The following HPCAL1 variants were observed in gnomAD, a reference collection of about 807,000 sequenced individuals.
HPCAL1 encodes hippocalcin like 1.
A neutral mutation model predicts 17.1 loss-of-function variants in HPCAL1; 8 were observed. The observed-to-expected ratio is 0.47, with a 90% CI of 0.27 to 0.84. HPCAL1 has a LOEUF of 0.84. Among genes scored for constraint, HPCAL1 ranks in the 40% least tolerant of loss-of-function variants. The pLI is 0.13. For synonymous variants in HPCAL1, 112 were observed against 111.4 expected (o/e 1.01, Z -0.03); for missense variants, 165 against 271.1 (o/e 0.61, Z 2.75).
chr2:10,348,443 C>T (rs1205526218), intron 1 of HPCAL1, among the ~76,000 whole-genome samples: 2 of 148,760 alleles, frequency 1.3e-5, no homozygotes, highest in African/African-American at 5.0e-5. Context: ...AGCAAGACTC[C>T]ATCTCAAAAA....
At chr2:10,423,584 GGA>G (rs1021630948) in intron 4 of HPCAL1, 3 of 160,650 alleles carry the variant, frequency 1.9e-5, no homozygotes, top group Non-Finnish European at 4.1e-5. Flanking sequence ...GCAGCTCTGT[GGA>G]GACTCAGCCC....
rs1668897996 is a variant in HPCAL1, at chr2:10,394,633, C to T, written c.-110-2202C>T. The stretch of plus-strand genomic sequence containing the variant: ...AGGGAACCCTAACGTGAGCTGCGGA[C>T]CTGGGGGGTGATGATGGTCAGTGCA... On this transcript the variant is annotated intron_variant, in intron 1 of 4. Transcript: ENST00000307845. The surrounding 1 kb of genome is among the most constrained non-coding windows in gnomAD (Gnocchi z 5.0). 6.6e-6 allele frequency among the ~76,000 whole-genome samples: 1 copy of T among 152,060 alleles called. No homozygotes were observed. Among genetic ancestry groups the T allele is most frequent in the African/African-American group, 2.4e-5 (1 of 41,418 alleles).
chr2:10,345,094 CCTCT>C (rs1039300078), intron 1 of HPCAL1, among the ~76,000 whole-genome samples: 1 of 151,254 alleles, frequency 6.6e-6, no homozygotes, highest in African/African-American at 2.4e-5. Context: ...TCTCTTTCTG[CCTCT>C]CTCTGTGTGT....
chr2:10,363,824 C>A lies in HPCAL1; in HGVS notation c.-110-33011C>A, dbSNP rs1666671257. ...GGATGAGTTATTTCCCATCTCTGAG[C>A]CTTGGTTCTCTGGTCTGTTAAGTGG... On this transcript the variant is annotated intron_variant, in intron 1 of 4. Transcript: ENST00000307845. The surrounding 1 kb of genome is among the most constrained non-coding windows in gnomAD (Gnocchi z 4.7). Among the ~76,000 whole-genome samples the A allele has an allele frequency of 6.6e-6, 1 of 152,204 alleles. No homozygotes were observed.
chr2:10,391,997 C>G (rs942383245), intron 1 of HPCAL1, among the ~76,000 whole-genome samples: 1 of 152,180 alleles, frequency 6.6e-6, no homozygotes, highest in African/African-American at 2.4e-5. Flanking sequence ...ATCCACCCAC[C>G]TTGGCCTCCC....
At chr2:10,328,880 T>C (rs1328498503) in intron 1 of HPCAL1, among the ~76,000 whole-genome samples, 5 of 152,144 alleles carry the variant, frequency 3.3e-5, no homozygotes. Context: ...GAATACAGGT[T>C]CCTGCTGACA....
At chr2:10,401,932 G>C (rs796948363) in intron 2 of HPCAL1, among the ~76,000 whole-genome samples, 1 of 152,126 alleles carries the variant, frequency 6.6e-6, no homozygotes, top group African/African-American at 2.4e-5. Context: ...AGACAGTCTC[G>C]CTGTGTCTCC....
At chr2:10,376,168 C>T (rs577211522) in intron 1 of HPCAL1, among the ~76,000 whole-genome samples, 13 of 152,232 alleles carry the variant, frequency 8.5e-5, no homozygotes, top group Non-Finnish European at 1.3e-4. Flanking sequence ...GCTGGCACCA[C>T]GCTTCCTGTA....
At chr2:10,383,895 C>T (rs1253504191) in intron 1 of HPCAL1, among the ~76,000 whole-genome samples, 3 of 151,998 alleles carry the variant, frequency 2.0e-5, no homozygotes, top group East Asian at 3.9e-4. Context: ...CCCCTCAACT[C>T]CCCAGTTGTA....
chr2:10,345,996 G>A (rs936897199), intron 1 of HPCAL1, among the ~76,000 whole-genome samples: 1 of 152,142 alleles, frequency 6.6e-6, no homozygotes, highest in Non-Finnish European at 1.5e-5. Flanking sequence ...GGAATAAGTG[G>A]AAGTGTGAGT....
intron 1 of HPCAL1, among the ~76,000 whole-genome samples, chr2:10,356,106 T>A (rs1460684228): frequency 1.3e-5 from 2 of 152,198 alleles, no homozygotes; most frequent in African/African-American, 4.8e-5. Flanking sequence ...ATTTATTCAT[T>A]TACTCTTCTG....
chr2:10,378,035 G>C (rs866053209), intron 1 of HPCAL1, among the ~76,000 whole-genome samples: 2 of 152,102 alleles, frequency 1.3e-5, no homozygotes, highest in Non-Finnish European at 2.9e-5. Flanking sequence ...CTCACGACAG[G>C]CTGGACATTG....
chr2:10,325,934 A>G (rs1375161477), intron 1 of HPCAL1, among the ~76,000 whole-genome samples: 1 of 152,180 alleles, frequency 6.6e-6, no homozygotes, highest in Non-Finnish European at 1.5e-5. Context: ...GAAATGAGGA[A>G]GCAGTTGGGG....
At chr2:10,311,671 C>T (rs1250365797) in intron 1 of HPCAL1, among the ~76,000 whole-genome samples, 2 of 152,066 alleles carry the variant, frequency 1.3e-5, no homozygotes, top group African/African-American at 2.4e-5. Context: ...GGCCAGGGAT[C>T]GCCAAGCAGT....
rs544749763 is a variant in HPCAL1, at chr2:10,380,134, C to T, written c.-110-16701C>T. On this transcript the variant is annotated intron_variant, in intron 1 of 4. Coordinates refer to ENST00000307845, the MANE Select transcript of HPCAL1 (RefSeq NM_002149.4). ...CTGAGTGTGTTGTGCAATTGTTGGG[C>T]GGCTTTTCCCTTGGCCACAGTAGAT... Among the ~76,000 whole-genome samples the T allele has an allele frequency of 7.0e-4, 107 of 152,324 alleles. 1 individual carries two copies. Among genetic ancestry groups the T allele is most frequent in the Middle Eastern group, 3.4e-3 (1 of 294 alleles).
chr2:10,411,394 A>T (rs1295747859), intron 2 of HPCAL1, among the ~76,000 whole-genome samples: 1 of 152,184 alleles, frequency 6.6e-6, no homozygotes. Flanking sequence ...CGGCCTAGCC[A>T]GGAGTGACCC....
chr2:10,341,313 T>A (rs2125443112), intron 1 of HPCAL1, among the ~76,000 whole-genome samples: 1 of 151,892 alleles, frequency 6.6e-6, no homozygotes, highest in African/African-American at 2.4e-5. Context: ...ATACAAAAAT[T>A]AGCCAGACAC....
chr2:10,365,448 G>A lies in HPCAL1; in HGVS notation c.-110-31387G>A, dbSNP rs919936181. On this transcript the variant is annotated intron_variant, in intron 1 of 4. Transcript: ENST00000307845. The surrounding 1 kb of genome is among the most constrained non-coding windows in gnomAD (Gnocchi z 4.8). The stretch of plus-strand genomic sequence containing the variant: ...AACGGACAGCCCGGAGTCTGTGCAG[G>A]AGTTGGAGGTAGAGCGGGTCGAAGG... 2.6e-5 allele frequency among the ~76,000 whole-genome samples: 4 copies of A among 152,240 alleles called. No homozygotes were observed. Among genetic ancestry groups the A allele is most frequent in the Non-Finnish European group, 4.4e-5 (3 of 68,042 alleles).
chr2:10,311,557 C>T (rs1572610920), intron 1 of HPCAL1, among the ~76,000 whole-genome samples: 1 of 152,214 alleles, frequency 6.6e-6, no homozygotes, highest in Admixed American at 6.5e-5. Context: ...ATTCTCAGAG[C>T]TCATTGTAAG....
Sources: allele counts gnomAD v4.1 joint callset (sites outside exome capture counted in the v4.1 genomes callset), GRCh38; gene constraint gnomAD v4.1.1; non-coding constraint Gnocchi (gnomAD v3.1); transcripts MANE v1.5; gene names NCBI Gene and HGNC (gene_info 2026-07-23, HGNC 2026-07-21).